Variants in ZNF423 observed in about 807,000 individuals in gnomAD.
ZNF423 encodes Ebf-associated zinc finger protein.
In ZNF423, 12 loss-of-function variants were observed where a neutral mutation model predicts 95.8. The observed-to-expected ratio is 0.13, with a 90% CI of 0.08 to 0.20. The LOEUF (loss-of-function observed/expected upper bound fraction) is 0.20. ZNF423 is among the 10% of genes least tolerant of loss of function. The pLI, the probability that ZNF423 is intolerant of heterozygous loss-of-function variation, is 1.00. For synonymous variants in ZNF423, 749 were observed against 711.9 expected (o/e 1.05, Z -0.83); for missense variants, 1,316 against 1,737.1 (o/e 0.76, Z 4.31).
chr16:49,557,136 C>T (rs548426197), intron 5 of ZNF423, among the ~76,000 whole-genome samples: 8 of 152,314 alleles, frequency 5.3e-5, no homozygotes, highest in Non-Finnish European at 7.4e-5. Context: ...TCGATGTTGG[C>T]GGCCTAGAGA....
intron 3 of ZNF423, among the ~76,000 whole-genome samples, chr16:49,689,368 G>A (rs2031691872): frequency 6.6e-6 from 1 of 152,016 alleles, no homozygotes. Context: ...TGAGTCAGGA[G>A]GATCGCTTGA....
At chr16:49,715,263 AG>A (rs1260958566) in intron 3 of ZNF423, among the ~76,000 whole-genome samples, 1 of 152,206 alleles carries the variant, frequency 6.6e-6, no homozygotes, top group Non-Finnish European at 1.5e-5. Context: ...TTGGCGTTGA[AG>A]GGAGCCGCTG....
At chr16:49,612,020 A>G (rs1971738837) in intron 5 of ZNF423, among the ~76,000 whole-genome samples, 1 of 152,082 alleles carries the variant, frequency 6.6e-6, no homozygotes, top group Admixed American at 6.5e-5. Context: ...AGAAATCCCC[A>G]GACCCAGGTG....
chr16:49,698,747 C>T (rs2032065587), intron 3 of ZNF423, among the ~76,000 whole-genome samples: 1 of 152,228 alleles, frequency 6.6e-6, no homozygotes, highest in Non-Finnish European at 1.5e-5. Context: ...GCCAGGGTAC[C>T]CCAGCCCGTC....
intron 7 of ZNF423, among the ~76,000 whole-genome samples, chr16:49,493,119 G>A (rs909894818): frequency 2.0e-5 from 3 of 152,082 alleles, no homozygotes; most frequent in Non-Finnish European, 4.4e-5. Context: ...CTCCAGCCGT[G>A]GCACCTCTCC....
Position 49,698,042 on chromosome 16 carries a change from C to A in ZNF423, c.301+32729G>T, listed in dbSNP as rs2032039925. Among the ~76,000 whole-genome samples the A allele has an allele frequency of 2.6e-5, 4 of 152,178 alleles. 1 individual carries two copies. In the South Asian group the frequency reaches 8.3e-4, roughly 31 times the overall value. On this transcript the variant is annotated intron_variant, in intron 3 of 7. Transcript: ENST00000563137. ...GTGTGCAGGGACCAGCCCGACTCCACATTGTCCTGCCCAGCCAGGAGATGG... is the reference window on the plus strand; with the variant it reads ...GTGTGCAGGGACCAGCCCGACTCCAAATTGTCCTGCCCAGCCAGGAGATGG...
intron 2 of ZNF423, 126 bp downstream of exon 2, chr16:49,789,361 T>A: frequency 2.4e-6 from 2 of 845,206 alleles, no homozygotes; most frequent in Non-Finnish European, 3.6e-6. Flanking sequence ...CATGGGGTAG[T>A]CTGGATTGGA....
intron 2 of ZNF423, among the ~76,000 whole-genome samples, chr16:49,760,665 G>T (rs2033812931): frequency 6.6e-6 from 1 of 152,102 alleles, no homozygotes; most frequent in South Asian, 2.1e-4. Flanking sequence ...AGCAGCACAA[G>T]ATAGGAGCAC....
chr16:49,752,902 A>AC (rs1411284239), intron 2 of ZNF423, among the ~76,000 whole-genome samples: 4 of 152,200 alleles, frequency 2.6e-5, no homozygotes, highest in Non-Finnish European at 5.9e-5. Context: ...CTGGGAACAC[A>AC]GCAGTCAACC....
At chr16:49,694,068 T>C (rs2031884311) in intron 3 of ZNF423, among the ~76,000 whole-genome samples, 1 of 152,212 alleles carries the variant, frequency 6.6e-6, no homozygotes, top group Admixed American at 6.5e-5. Context: ...AGTGCAACAT[T>C]CCTCCTCAGT....
At chr16:49,574,679 G>A (rs1970442732) in intron 5 of ZNF423, among the ~76,000 whole-genome samples, 1 of 152,010 alleles carries the variant, frequency 6.6e-6, no homozygotes, top group South Asian at 2.1e-4. Flanking sequence ...CCAATGACAG[G>A]GGCACTCTCC....
At chr16:49,528,627 G>A (rs189960619) in intron 5 of ZNF423, among the ~76,000 whole-genome samples, 3 of 152,300 alleles carry the variant, frequency 2.0e-5, no homozygotes, top group East Asian at 3.9e-4. Flanking sequence ...GCTGGGACTC[G>A]CTCCCACTCA....
intron 1 of ZNF423, among the ~76,000 whole-genome samples, chr16:49,794,617 G>A (rs1201030645): frequency 6.6e-6 from 1 of 152,198 alleles, no homozygotes; most frequent in Non-Finnish European, 1.5e-5. Flanking sequence ...AGTGGCCCAG[G>A]TCACATGGCC....
chr16:49,845,515 C>A (rs1032490411), intron 1 of ZNF423, among the ~76,000 whole-genome samples: 2 of 151,326 alleles, frequency 1.3e-5, no homozygotes, highest in Non-Finnish European at 1.5e-5. Context: ...TGAGCCACCA[C>A]GGCTCCCATT....
intron 1 of ZNF423, among the ~76,000 whole-genome samples, chr16:49,824,102 A>G (rs543006489): frequency 6.6e-6 from 1 of 152,280 alleles, no homozygotes; most frequent in African/African-American, 2.4e-5. Flanking sequence ...TTAATCCAAA[A>G]GGGTAGTTTT....
At chr16:49,664,266 C>A in intron 3 of ZNF423, 1 of 985,544 alleles carries the variant, frequency 1.0e-6, no homozygotes, top group Non-Finnish European at 1.2e-6. Flanking sequence ...GCCGCCTGGG[C>A]CGGCGGAGAA....
intron 7 of ZNF423, among the ~76,000 whole-genome samples, chr16:49,515,407 C>G (rs1968092598): frequency 6.6e-6 from 1 of 152,266 alleles, no homozygotes; most frequent in Admixed American, 6.5e-5. Flanking sequence ...TCTATTAGCT[C>G]ATATAAATGG....
At chr16:49,607,394 C>T (rs1971574396) in intron 5 of ZNF423, among the ~76,000 whole-genome samples, 1 of 152,166 alleles carries the variant, frequency 6.6e-6, no homozygotes, top group Non-Finnish European at 1.5e-5. Flanking sequence ...GTAGAAATGA[C>T]TACCTTTTTC....
chr16:49,801,208 G>A (rs754176042), intron 1 of ZNF423, among the ~76,000 whole-genome samples: 17 of 152,188 alleles, frequency 1.1e-4, no homozygotes, highest in Non-Finnish European at 2.2e-4. Flanking sequence ...CTCTGTGCTG[G>A]TCCCACGTGG....
Sources: gnomAD v4.1 joint callset for allele counts (sites outside exome capture counted in the v4.1 genomes callset) on GRCh38, gnomAD v4.1.1 for gene constraint, MANE v1.5 for transcripts, NCBI Gene and HGNC (gene_info 2026-07-23, HGNC 2026-07-21) for gene names.